The following ADAMTS12 variants were observed in gnomAD, a reference collection of about 807,000 sequenced individuals.
ADAMTS12 encodes A disintegrin and metalloproteinase with thrombospondin motifs 12.
ADAMTS12 carries 118 observed loss-of-function variants against 167.8 expected under a neutral mutation model. That is an observed-to-expected ratio of 0.70 (90% confidence interval 0.61 to 0.82). The LOEUF (loss-of-function observed/expected upper bound fraction) is 0.82. ADAMTS12 is among the 40% of genes least tolerant of loss of function. The pLI is 0.00. For missense variants in ADAMTS12, 1,916 were observed against 1,998.8 expected (o/e 0.96, Z 0.79); for synonymous variants, 704 against 716.9 (o/e 0.98, Z 0.29).
rs1251364992 is a variant in ADAMTS12, at chr5:33,671,429, T to A, written c.916-9389A>T. Among the ~76,000 whole-genome samples the A allele has an allele frequency of 2.0e-5, 3 of 152,294 alleles. No homozygotes were observed. In the East Asian group the frequency reaches 5.8e-4, roughly 29 times the overall value. ...GATGTTACCATTAGGAGAAAATGAATGAAGGGTAATAGGAATTTCTCTGTA... is the reference window on the plus strand; with the variant it reads ...GATGTTACCATTAGGAGAAAATGAAAGAAGGGTAATAGGAATTTCTCTGTA... On this transcript the variant is annotated intron_variant, in intron 5 of 23. Transcript: ENST00000504830.
intron 22 of ADAMTS12, among the ~76,000 whole-genome samples, chr5:33,545,779 C>A (rs1294833586): frequency 2.0e-5 from 3 of 148,368 alleles, no homozygotes; most frequent in Non-Finnish European, 4.4e-5. Flanking sequence ...CCAAACACTG[C>A]ATGTTCTCAC....
At chr5:33,533,773 A>G (rs925263580) in intron 23 of ADAMTS12, among the ~76,000 whole-genome samples, 1 of 152,084 alleles carries the variant, frequency 6.6e-6, no homozygotes, top group Non-Finnish European at 1.5e-5. Flanking sequence ...ATCACAGGAC[A>G]CCCTTAACTA....
intron 2 of ADAMTS12, among the ~76,000 whole-genome samples, chr5:33,879,636 A>G (rs1460695051): frequency 6.6e-6 from 1 of 152,220 alleles, no homozygotes; most frequent in African/African-American, 2.4e-5. Context: ...TGATCTAATT[A>G]GGAGGAAACG....
chr5:33,799,661 G>A (rs1215742794), intron 2 of ADAMTS12, among the ~76,000 whole-genome samples: 2 of 152,222 alleles, frequency 1.3e-5, no homozygotes, highest in African/African-American at 4.8e-5. Context: ...CTAGTCCGAT[G>A]CTGACACATT....
chr5:33,594,403 T>C (rs1747809499), intron 17 of ADAMTS12, among the ~76,000 whole-genome samples: 1 of 152,214 alleles, frequency 6.6e-6, no homozygotes, highest in Non-Finnish European at 1.5e-5. Flanking sequence ...GCTTATTATA[T>C]CCTACTTGAG....
At chr5:33,881,604 C>T (rs1750449875) in intron 1 of ADAMTS12, 124 bp from the exon 2 acceptor site, 32 of 1,379,166 alleles carry the variant, frequency 2.3e-5, no homozygotes, top group Middle Eastern at 2.2e-4. Context: ...TCTTGTTTCC[C>T]AGGCTGGAGT....
chr5:33,527,506 G>T (rs1414527565), intron 23 of ADAMTS12, 140 bp from the exon 24 acceptor site: 2 of 801,526 alleles, frequency 2.5e-6, no homozygotes, highest in African/African-American at 3.5e-5. Flanking sequence ...GGTATCTACT[G>T]AATGTTTATT....
At chr5:33,630,982 T>C in intron 12 of ADAMTS12, 69 bp from the exon 13 acceptor site, 2 of 1,577,870 alleles carry the variant, frequency 1.3e-6, no homozygotes, top group Non-Finnish European at 1.7e-6. Flanking sequence ...CCAGGATTCC[T>C]CCGTACTTAG....
intron 2 of ADAMTS12, among the ~76,000 whole-genome samples, chr5:33,765,827 T>A (rs763684532): frequency 5.3e-5 from 8 of 152,366 alleles, no homozygotes; most frequent in South Asian, 2.1e-4. Flanking sequence ...GTTATCTCTA[T>A]GTGACACACT....
chr5:33,682,869 G>C (rs1258618905), intron 5 of ADAMTS12, 149 bp downstream of exon 5: 2 of 600,934 alleles, frequency 3.3e-6, no homozygotes, highest in Non-Finnish European at 5.8e-6. Context: ...AACTCCCAAG[G>C]GAATAACACA....
chr5:33,666,281 T>C (rs1029022353), intron 5 of ADAMTS12, among the ~76,000 whole-genome samples: 1 of 152,190 alleles, frequency 6.6e-6, no homozygotes, highest in Non-Finnish European at 1.5e-5. Flanking sequence ...ATGTGGTCTA[T>C]ATTGTATTTT....
intron 2 of ADAMTS12, among the ~76,000 whole-genome samples, chr5:33,829,127 C>A (rs955879509): frequency 6.6e-6 from 1 of 152,120 alleles, no homozygotes; most frequent in Non-Finnish European, 1.5e-5. Context: ...ATGAGACAAA[C>A]AGATGGCACC....
At chr5:33,657,060 G>A (rs537382383) in intron 7 of ADAMTS12, among the ~76,000 whole-genome samples, 1 of 152,320 alleles carries the variant, frequency 6.6e-6, no homozygotes, top group Non-Finnish European at 1.5e-5. Flanking sequence ...AACAGGTATA[G>A]AGTGGTGAAG....
chr5:33,627,446 G>A (rs1739715379), intron 13 of ADAMTS12, among the ~76,000 whole-genome samples: 1 of 150,818 alleles, frequency 6.6e-6, no homozygotes, highest in South Asian at 2.1e-4. Flanking sequence ...GGATATGGTG[G>A]TGGTGATGGC....
intron 3 of ADAMTS12, among the ~76,000 whole-genome samples, chr5:33,748,020 CT>C (rs1220452438): frequency 6.6e-6 from 1 of 152,204 alleles, no homozygotes; most frequent in Admixed American, 6.5e-5. Flanking sequence ...GAGCCAGACC[CT>C]GTTTTTCTAG....
intron 2 of ADAMTS12, among the ~76,000 whole-genome samples, chr5:33,752,761 T>C (rs1745034383): frequency 2.0e-5 from 3 of 152,182 alleles, no homozygotes; most frequent in South Asian, 4.1e-4. Context: ...CCTTTCACTA[T>C]TCATCAGTAA....
At chr5:33,870,584 T>C (rs1360447726) in intron 2 of ADAMTS12, among the ~76,000 whole-genome samples, 1 of 152,152 alleles carries the variant, frequency 6.6e-6, no homozygotes, top group African/African-American at 2.4e-5. Context: ...GATGATAGTA[T>C]TTTGCAATGT....
At chr5:33,713,864 T>TA (rs1743498432) in intron 3 of ADAMTS12, among the ~76,000 whole-genome samples, 1 of 152,094 alleles carries the variant, frequency 6.6e-6, no homozygotes, top group African/African-American at 2.4e-5. Context: ...TGGGAGACAT[T>TA]AAAAAACCCA....
At chr5:33,754,387 T>C (rs995700682) in intron 2 of ADAMTS12, among the ~76,000 whole-genome samples, 16 of 152,224 alleles carry the variant, frequency 1.1e-4, no homozygotes, top group Non-Finnish European at 2.2e-4. Context: ...GCACTGGGCA[T>C]TCAGAAGAAC....
Sources: gnomAD v4.1 joint callset for allele counts (sites outside exome capture counted in the v4.1 genomes callset) on GRCh38, gnomAD v4.1.1 for gene constraint, MANE v1.5 for transcripts, NCBI Gene and HGNC (gene_info 2026-07-23, HGNC 2026-07-21) for gene names.